The following NAA35 variants were observed in gnomAD, a reference collection of about 807,000 sequenced individuals.
The protein encoded by NAA35 is MAK10 homolog, amino-acid N-acetyltransferase subunit.
Under a neutral mutation model 101.7 loss-of-function variants are expected in NAA35, and 18 were observed. That is an observed-to-expected ratio of 0.18 (90% CI 0.12 to 0.26). The LOEUF (loss-of-function observed/expected upper bound fraction) is 0.26, where lower values mean the gene tolerates loss of function less well. Ranked by LOEUF, NAA35 falls within the 10% of genes least tolerant of loss-of-function variation. The probability of loss-of-function intolerance (pLI) is 1.00; values close to 1 mark genes in which losing one functional copy is unlikely to be tolerated. For missense variants in NAA35, 601 were observed against 886.8 expected (o/e 0.68, Z 4.09); for synonymous variants, 267 against 273.1 (o/e 0.98, Z 0.22).
chr9:86,018,522 A>G (rs950011780), intron 20 of NAA35, 127 bp downstream of exon 20: 16 of 1,331,240 alleles, frequency 1.2e-5, no homozygotes, highest in Non-Finnish European at 1.6e-5. Flanking sequence ...ATGAGGTAGC[A>G]TATGAGGGTT....
chr9:85,942,124 C>G, intron 1 of NAA35, 31 bp from the exon 2 acceptor site: 1 of 1,598,908 alleles, frequency 6.3e-7, no homozygotes, highest in Admixed American at 1.8e-5. Flanking sequence ...AAAGCTACAT[C>G]CTCTCTCTTA....
At chr9:85,972,527 A>G (rs907782298) in intron 6 of NAA35, among the ~76,000 whole-genome samples, 1 of 151,460 alleles carries the variant, frequency 6.6e-6, no homozygotes, top group Non-Finnish European at 1.5e-5. Flanking sequence ...AAAAAAAAAA[A>G]AAAAAGGGTC....
chr9:85,941,615 G>C (rs1462780545), intron 1 of NAA35: 25 of 985,828 alleles, frequency 2.5e-5, no homozygotes, highest in Non-Finnish European at 3.0e-5. Flanking sequence ...GGTGTGCCTC[G>C]GCCCTAGGCC....
At chr9:86,016,100 A>G (rs1200735189) in intron 17 of NAA35, among the ~76,000 whole-genome samples, 2 of 151,738 alleles carry the variant, frequency 1.3e-5, no homozygotes, top group Non-Finnish European at 2.9e-5. Context: ...TGTCTGGTAG[A>G]GAATGTTCTG....
At chr9:85,986,989 AAG>A (rs1830677534) in intron 11 of NAA35, 1 of 155,522 alleles carries the variant, frequency 6.4e-6, no homozygotes, top group Non-Finnish European at 1.4e-5. Flanking sequence ...GAGCCAAAAA[AAG>A]AAAAAATCAC....
intron 11 of NAA35, among the ~76,000 whole-genome samples, chr9:85,992,033 G>A (rs1322715246): frequency 6.6e-6 from 1 of 152,118 alleles, no homozygotes; most frequent in East Asian, 1.9e-4. Flanking sequence ...AAACAGCCGG[G>A]TGTGGTGGCG....
rs117738273 is a variant in NAA35, at chr9:85,967,439, A to T, written c.516+5259A>T. Among the ~76,000 whole-genome samples, 746 of 152,284 alleles carry T rather than the reference A, an allele frequency of 4.9e-3. 1 individual carries two copies. Among genetic ancestry groups the T allele is most frequent in the Non-Finnish European group, 8.4e-3 (570 of 68,012 alleles). ...TTTTGCTAAATTTTTCAGATTTTCCAGATAAGTTTGTCTTAGTCTTATAAT... is the reference window on the plus strand; with the variant it reads ...TTTTGCTAAATTTTTCAGATTTTCCTGATAAGTTTGTCTTAGTCTTATAAT... On this transcript the variant is annotated intron_variant, in intron 6 of 22. Coordinates refer to ENST00000361671, the MANE Select transcript of NAA35 (RefSeq NM_024635.4).
Position 86,009,911 on chromosome 9 carries a change from T to C in NAA35, c.1270T>C (p.Phe424Leu), listed in dbSNP as rs150339845. 21 of 1,613,068 alleles carry C rather than the reference T, an allele frequency of 1.3e-5. No individual in the cohort carries two copies. The highest frequency in any genetic ancestry group is 1.7e-5 in the Non-Finnish European group (20 of 1,179,246). ...NHQAKDCIDS[F>L]VTHCVRPFCS... ...CCAGGCTAAGGACTGTATCGACTCCTTTGTTACTCACTGTGTTCGGGTAAG... is the reference window on the plus strand; with the variant it reads ...CCAGGCTAAGGACTGTATCGACTCCCTTGTTACTCACTGTGTTCGGGTAAG... The change falls in exon 15 of 23, where the codon TTT becomes CTT. Residue 424 changes from phenylalanine to leucine, a missense_variant. Around this residue, in one of 8 missense-constraint regions of NAA35, gnomAD observed 190 missense variants for 223.1 expected, o/e 0.85. Coordinates refer to ENST00000361671, the MANE Select transcript of NAA35 (RefSeq NM_024635.4).
At chr9:85,977,294 A>C in intron 9 of NAA35, 69 bp from the exon 10 acceptor site, 2 of 1,035,230 alleles carry the variant, frequency 1.9e-6, no homozygotes. Flanking sequence ...AGGAGTTAAT[A>C]TATTTTAAAT....
chr9:85,972,937 A>T (rs551042899), intron 6 of NAA35, among the ~76,000 whole-genome samples: 2 of 152,354 alleles, frequency 1.3e-5, no homozygotes, highest in East Asian at 3.9e-4. Flanking sequence ...TACACATATA[A>T]TGTCAGGTGG....
chr9:85,950,750 T>A (rs1828981992), intron 2 of NAA35, among the ~76,000 whole-genome samples: 1 of 152,208 alleles, frequency 6.6e-6, no homozygotes, highest in Non-Finnish European at 1.5e-5. Context: ...AGGACCCCAT[T>A]ATACTTTTTA....
intron 13 of NAA35, among the ~76,000 whole-genome samples, chr9:86,005,940 A>T (rs1831620600): frequency 6.6e-6 from 1 of 151,968 alleles, no homozygotes; most frequent in Non-Finnish European, 1.5e-5. Context: ...TGGGAGGCGG[A>T]GGTGGTTGGA....
chr9:86,004,665 C>A (rs1831555334), intron 13 of NAA35, among the ~76,000 whole-genome samples: 1 of 152,026 alleles, frequency 6.6e-6, no homozygotes, highest in Admixed American at 6.6e-5. Context: ...GTCAATGAAC[C>A]TCTAATGAGG....
At chr9:85,978,428 C>A (rs779996198) in intron 11 of NAA35, 47 bp downstream of exon 11, 5 of 1,320,978 alleles carry the variant, frequency 3.8e-6, no homozygotes, top group Non-Finnish European at 5.5e-6. Flanking sequence ...CGTTTCTATC[C>A]AAAATATTTA....
chr9:86,016,436 A>G, intron 17 of NAA35, 103 bp from the exon 18 acceptor site: 1 of 949,602 alleles, frequency 1.1e-6, no homozygotes, highest in Non-Finnish European at 1.5e-6. Flanking sequence ...ATCTGTTTTT[A>G]AAGACCTAAA....
intron 5 of NAA35, among the ~76,000 whole-genome samples, chr9:85,960,339 C>T (rs540357748): frequency 6.7e-4 from 102 of 152,180 alleles, no homozygotes; most frequent in African/African-American, 1.8e-3. Context: ...TACTGTTTGT[C>T]GAGAAATTCT....
intron 1 of NAA35, 137 bp from the exon 2 acceptor site, chr9:85,942,018 G>A: frequency 7.3e-7 from 1 of 1,371,360 alleles, no homozygotes; most frequent in African/African-American, 1.5e-5. Flanking sequence ...TTGCAGTACT[G>A]TCCTTAGACT....
intron 6 of NAA35, among the ~76,000 whole-genome samples, chr9:85,964,971 C>G (rs1829681228): frequency 6.6e-6 from 1 of 152,194 alleles, no homozygotes; most frequent in Non-Finnish European, 1.5e-5. Flanking sequence ...ACGGTGCTTG[C>G]CTGGACTAAT....
At position 85,955,672 on chromosome 9, in the gene NAA35, A is replaced by G. The variant is rs1222907449; in HGVS notation, c.125-688A>G. On this transcript the variant is annotated intron_variant, in intron 2 of 22. Transcript: ENST00000361671. Reference sequence around the variant, plus strand: ...GCCACCTGGCCCGGCTGCCATCAATATTTAATCTACTTAGCATGTTATAGC... The same window carrying G: ...GCCACCTGGCCCGGCTGCCATCAATGTTTAATCTACTTAGCATGTTATAGC... Among the ~76,000 whole-genome samples the G allele has an allele frequency of 3.3e-5, 5 of 152,194 alleles. No individual in the cohort carries two copies. The East Asian group carries it at 9.7e-4, about 29-fold the overall frequency.
Sources: allele counts gnomAD v4.1 joint callset (sites outside exome capture counted in the v4.1 genomes callset), GRCh38; gene constraint gnomAD v4.1.1; regional missense constraint gnomAD v4.1.1; transcripts MANE v1.5; gene names NCBI Gene and HGNC (gene_info 2026-07-23, HGNC 2026-07-21).